The following AP3B1 variants were observed in gnomAD, a reference collection of about 807,000 sequenced individuals.
The protein encoded by AP3B1 is AP-3 complex subunit beta-1.
In AP3B1, 61 loss-of-function variants were observed where a neutral mutation model predicts 132.5. That is an observed-to-expected ratio of 0.46 (90% CI 0.37 to 0.57). AP3B1 has a LOEUF of 0.57. Among genes scored for constraint, AP3B1 ranks in the 20% least tolerant of loss-of-function variants. AP3B1 has a pLI of 0.00. For missense variants in AP3B1, 1,120 were observed against 1,289.4 expected (o/e 0.87, Z 2.01); for synonymous variants, 388 against 438.3 (o/e 0.89, Z 1.43).
chr5:78,159,142 G>GT (rs1319694560), intron 13 of AP3B1, among the ~76,000 whole-genome samples: 3 of 152,140 alleles, frequency 2.0e-5, no homozygotes, highest in African/African-American at 4.8e-5. Flanking sequence ...GCAAAATTTG[G>GT]TAAGTGTGGT....
chr5:78,055,970 C>T (rs544338022), intron 22 of AP3B1, among the ~76,000 whole-genome samples: 19 of 152,198 alleles, frequency 1.2e-4, no homozygotes, highest in African/African-American at 4.6e-4. Context: ...CAGGGGACAA[C>T]CACACCTTGA....
At position 78,294,632 on chromosome 5, in the gene AP3B1, A is replaced by G; in HGVS notation, c.-53T>C. ...GGTCCTGCCGGGGGTTCTCTCCAAA[A>G]GGTTCCAGTCCAGAGGGCACGGAAC... is the stretch of plus-strand genomic sequence containing the variant. On this transcript the variant is annotated 5_prime_UTR_variant, in exon 1 of 27. Transcript: ENST00000255194. 6.2e-7 allele frequency: 1 copy of G among 1,611,958 alleles called. No homozygotes were observed. The highest frequency in any genetic ancestry group is 8.5e-7 in the Non-Finnish European group (1 of 1,179,778).
intron 15 of AP3B1, among the ~76,000 whole-genome samples, chr5:78,138,815 A>G (rs918631275): frequency 7.2e-5 from 11 of 151,878 alleles, no homozygotes; most frequent in African/African-American, 2.7e-4. Flanking sequence ...TACTAAAAAT[A>G]CAGAATTAGC....
intron 25 of AP3B1, 121 bp downstream of exon 25, chr5:78,020,571 G>A: frequency 1.3e-6 from 1 of 760,754 alleles, no homozygotes. Flanking sequence ...AAAATTGGAA[G>A]ATTGTGCACT....
intron 22 of AP3B1, among the ~76,000 whole-genome samples, chr5:78,048,630 GA>G (rs373638557): frequency 0.015 from 2,302 of 150,990 alleles, 49 homozygotes; most frequent in African/African-American, 0.051. Flanking sequence ...TGTTCAGTGA[GA>G]AAAAAAAATA....
intron 18 of AP3B1, among the ~76,000 whole-genome samples, chr5:78,115,008 C>T (rs1481986412): frequency 6.6e-6 from 1 of 152,126 alleles, no homozygotes; most frequent in Non-Finnish European, 1.5e-5. Context: ...TTGAAACATA[C>T]AAAGGAGATT....
intron 6 of AP3B1, 61 bp from the exon 7 acceptor site, chr5:78,216,298 A>T: frequency 6.8e-7 from 1 of 1,477,152 alleles, no homozygotes; most frequent in South Asian, 1.2e-5. Flanking sequence ...CAAAGGTCTT[A>T]CTCAGGCATT....
At chr5:78,274,695 G>A (rs573663243) in intron 1 of AP3B1, among the ~76,000 whole-genome samples, 2 of 152,258 alleles carry the variant, frequency 1.3e-5, no homozygotes, top group South Asian at 2.1e-4. Flanking sequence ...AATGCAAGAG[G>A]ATTGCTTAAG....
At chr5:78,224,230 T>C (rs919754220) in intron 6 of AP3B1, among the ~76,000 whole-genome samples, 1 of 152,122 alleles carries the variant, frequency 6.6e-6, no homozygotes, top group Non-Finnish European at 1.5e-5. Flanking sequence ...TCCTACGTTA[T>C]ACCAACTATG....
At chr5:78,049,733 C>T (rs967574623) in intron 22 of AP3B1, among the ~76,000 whole-genome samples, 1 of 152,182 alleles carries the variant, frequency 6.6e-6, no homozygotes, top group African/African-American at 2.4e-5. Flanking sequence ...TTCCTTGTTC[C>T]TACCCCTGCA....
chr5:78,138,240 C>T (rs555483714), intron 15 of AP3B1, among the ~76,000 whole-genome samples: 1 of 151,962 alleles, frequency 6.6e-6, no homozygotes, highest in Non-Finnish European at 1.5e-5. Context: ...CTGAGGCAAG[C>T]GGATCACTTG....
At chr5:78,029,198 C>T (rs1580257432) in intron 24 of AP3B1, among the ~76,000 whole-genome samples, 1 of 152,090 alleles carries the variant, frequency 6.6e-6, no homozygotes, top group East Asian at 1.9e-4. Flanking sequence ...ATGATTATGG[C>T]TTTGACAATT....
intron 7 of AP3B1, 43 bp downstream of exon 7, chr5:78,216,012 T>C: frequency 6.2e-7 from 1 of 1,603,068 alleles, no homozygotes; most frequent in Non-Finnish European, 8.5e-7. Flanking sequence ...AGCTCATCCA[T>C]TCTCTTAGTA....
At chr5:78,031,271 G>A (rs140266708) in intron 24 of AP3B1, among the ~76,000 whole-genome samples, 2 of 152,272 alleles carry the variant, frequency 1.3e-5, no homozygotes, top group African/African-American at 4.8e-5. Context: ...ATAAGTGGAC[G>A]AGATACTAAC....
At chr5:78,211,841 T>C (rs1449612499) in intron 7 of AP3B1, among the ~76,000 whole-genome samples, 1 of 152,240 alleles carries the variant, frequency 6.6e-6, no homozygotes, top group Non-Finnish European at 1.5e-5. Context: ...GGCCTGGGCA[T>C]CAGATAATTC....
In AP3B1 at chr5:78,177,452, T is replaced by TA; in HGVS notation, c.943-17dup. 6.3e-7 allele frequency: 1 copy of TA among 1,586,266 alleles called. No homozygotes were observed. The highest frequency in any genetic ancestry group is 1.7e-5 in the Admixed American group (1 of 59,976). ...CCATAACCACCTACAAGATAAAGCA[T>TA]AAAAATAACAGAACTATGAACACTA... is the stretch of plus-strand genomic sequence containing the variant. On this transcript the variant is annotated splice_polypyrimidine_tract_variant and intron_variant, in intron 8 of 26. Coordinates refer to ENST00000255194, the MANE Select transcript of AP3B1 (RefSeq NM_003664.5).
At chr5:78,079,703 T>C (rs184048404) in intron 22 of AP3B1, among the ~76,000 whole-genome samples, 9 of 152,178 alleles carry the variant, frequency 5.9e-5, no homozygotes, top group African/African-American at 2.2e-4. Flanking sequence ...AAAACCTGTA[T>C]ATAAAATAAT....
At chr5:78,225,256 A>G (rs1746356436) in intron 6 of AP3B1, among the ~76,000 whole-genome samples, 1 of 152,088 alleles carries the variant, frequency 6.6e-6, no homozygotes, top group South Asian at 2.1e-4. Context: ...GGTCACCTCT[A>G]TTCCTTGATC....
chr5:78,032,664 A>C (rs1747630824), intron 24 of AP3B1, among the ~76,000 whole-genome samples: 1 of 151,990 alleles, frequency 6.6e-6, no homozygotes, highest in Non-Finnish European at 1.5e-5. Flanking sequence ...ATTTGATGCA[A>C]GACAAAGTGC....
Sources: allele counts gnomAD v4.1 joint callset (sites outside exome capture counted in the v4.1 genomes callset), GRCh38; gene constraint gnomAD v4.1.1; transcripts MANE v1.5; gene names NCBI Gene and HGNC (gene_info 2026-07-23, HGNC 2026-07-21).